Variants in HS3ST5 observed in about 807,000 individuals in gnomAD.
The protein encoded by HS3ST5 is heparan sulfate-glucosamine 3-sulfotransferase 5.
In HS3ST5, 10 loss-of-function variants were observed where a neutral mutation model predicts 25.4. The ratio of observed to expected loss-of-function variants is 0.39; its 90% CI spans 0.24 to 0.67. The LOEUF is 0.67. Among genes scored for constraint, HS3ST5 ranks in the 30% least tolerant of loss-of-function variants. The pLI, the probability that HS3ST5 is intolerant of heterozygous loss-of-function variation, is 0.44. For synonymous variants in HS3ST5, 170 were observed against 162.4 expected, an observed-to-expected ratio of 1.05 and a Z score of -0.36; for missense variants, 324 against 420.7, an observed-to-expected ratio of 0.77 and a Z score of 2.01.
At position 114,266,992 on chromosome 6, in the gene HS3ST5, T is replaced by A. The variant is rs773787059; in HGVS notation, c.-338-38214A>T. 2.4e-4 allele frequency among the ~76,000 whole-genome samples: 36 copies of A among 152,228 alleles called. 1 individual carries two copies. Among genetic ancestry groups the A allele is most frequent in the Non-Finnish European group, 4.4e-4 (30 of 68,036 alleles). On this transcript the variant is annotated intron_variant, in intron 1 of 4. Coordinates refer to ENST00000312719, the MANE Select transcript of HS3ST5 (RefSeq NM_153612.4). ...CACTTGGCTCTCACATTTTATTGCATCTTATTATTGTCTTGCCTCTGCACA... is the reference window on the plus strand; with the variant it reads ...CACTTGGCTCTCACATTTTATTGCAACTTATTATTGTCTTGCCTCTGCACA...
At chr6:114,084,129 C>CT in intron 3 of HS3ST5, 1 of 645,714 alleles carries the variant, frequency 1.5e-6, no homozygotes, top group Non-Finnish European at 2.8e-6. Context: ...TCCCATCAAC[C>CT]TTATTGCCAT....
chr6:114,199,105 A>C (rs565970026), intron 2 of HS3ST5, among the ~76,000 whole-genome samples: 4 of 152,360 alleles, frequency 2.6e-5, no homozygotes, highest in African/African-American at 9.6e-5. Flanking sequence ...AAAGTCATAA[A>C]ATATTGATGC....
At chr6:114,068,921 A>T (rs574912663) in intron 3 of HS3ST5, among the ~76,000 whole-genome samples, 16 of 152,336 alleles carry the variant, frequency 1.1e-4, no homozygotes, top group Non-Finnish European at 2.1e-4. Context: ...AAAGCAGAGT[A>T]TCTAAATAAC....
rs752086704 is a variant in HS3ST5 at position 114,058,187 on chromosome 6, T to C, written c.111A>G (p.Leu37=). Residue 37 remains leucine, a synonymous_variant, in exon 5 of 5, where the codon CTA becomes CTG. Transcript: ENST00000312719. The part of the protein sequence containing the change: ...LVARVGSLDR[L]QPICPIEGRL... The stretch of plus-strand genomic sequence containing the variant: ...GACCTTCAATGGGGCAAATGGGTTG[T>C]AGCCTGCAAGCAAGACAGAGACACT... 2 of 1,598,684 alleles carry C rather than the reference T, an allele frequency of 1.3e-6. No homozygotes were observed. Among genetic ancestry groups the C allele is most frequent in the East Asian group, 4.5e-5 (2 of 44,436 alleles).
At chr6:114,201,013 A>G (rs536633976) in intron 2 of HS3ST5, among the ~76,000 whole-genome samples, 2 of 152,222 alleles carry the variant, frequency 1.3e-5, no homozygotes, top group Non-Finnish European at 2.9e-5. Flanking sequence ...AGTTGAGAAG[A>G]CTGGCTGATC....
At chr6:114,100,984 G>A (rs1775700301) in intron 3 of HS3ST5, among the ~76,000 whole-genome samples, 1 of 152,092 alleles carries the variant, frequency 6.6e-6, no homozygotes, top group East Asian at 1.9e-4. Context: ...TCACATCAAG[G>A]GTCACTAGTA....
chr6:114,221,224 G>A (rs1376332874), intron 2 of HS3ST5, among the ~76,000 whole-genome samples: 2 of 151,544 alleles, frequency 1.3e-5, no homozygotes, highest in Non-Finnish European at 3.0e-5. Flanking sequence ...GAATTTACAT[G>A]GTAATTAACA....
intron 3 of HS3ST5, among the ~76,000 whole-genome samples, chr6:114,149,711 CAT>C (rs1180716172): frequency 6.6e-6 from 1 of 151,974 alleles, no homozygotes; most frequent in African/African-American, 2.4e-5. Context: ...ACATTCTGCA[CAT>C]GTGTCCTGGA....
At chr6:114,232,001 T>C (rs1582741656) in intron 1 of HS3ST5, among the ~76,000 whole-genome samples, 1 of 152,190 alleles carries the variant, frequency 6.6e-6, no homozygotes, top group African/African-American at 2.4e-5. Context: ...TATATGTGAA[T>C]CTAGGGATTC....
At chr6:114,064,740 A>C (rs901180676) in intron 3 of HS3ST5, among the ~76,000 whole-genome samples, 2 of 152,250 alleles carry the variant, frequency 1.3e-5, no homozygotes, top group Admixed American at 6.5e-5. Context: ...ATGCATACTT[A>C]CAAATTGTAT....
chr6:114,299,371 G>A (rs982681353), intron 1 of HS3ST5, among the ~76,000 whole-genome samples: 4 of 152,030 alleles, frequency 2.6e-5, no homozygotes, highest in Admixed American at 6.6e-5. Context: ...TTTTAATTTC[G>A]CCCTGGTCCT....
chr6:114,125,139 AT>A (rs898279672), intron 3 of HS3ST5, among the ~76,000 whole-genome samples: 4 of 151,390 alleles, frequency 2.6e-5, no homozygotes, highest in Admixed American at 1.3e-4. Flanking sequence ...AAATTAAATG[AT>A]TTTTTTTAAA....
rs553993767 is a variant in HS3ST5, at chr6:114,092,739, G to A, written c.-32-29862C>T. On this transcript the variant is annotated intron_variant, in intron 3 of 4. Coordinates refer to ENST00000312719, the MANE Select transcript of HS3ST5 (RefSeq NM_153612.4). The stretch of plus-strand genomic sequence containing the variant: ...TGCCCAGGCTGGAGTGCAATGGTGC[G>A]ATCTCGGCTTACTGCAACCTCTGCC... Among the ~76,000 whole-genome samples, 21 of 150,332 alleles carry A rather than the reference G, an allele frequency of 1.4e-4. 1 individual carries two copies. Among genetic ancestry groups the A allele is most frequent in the Non-Finnish European group, 2.5e-4 (17 of 67,712 alleles).
chr6:114,068,694 T>C (rs140731046), intron 3 of HS3ST5, among the ~76,000 whole-genome samples: 28 of 152,354 alleles, frequency 1.8e-4, no homozygotes, highest in Middle Eastern at 3.4e-3. Context: ...AGAGCAGTTA[T>C]ACTGGTAATG....
chr6:114,158,967 A>G (rs899155696), intron 3 of HS3ST5, among the ~76,000 whole-genome samples: 2 of 152,246 alleles, frequency 1.3e-5, no homozygotes, highest in Non-Finnish European at 1.5e-5. Context: ...AGAGAAATAT[A>G]GTAGAAAACC....
chr6:114,124,426 C>A (rs555961733), intron 3 of HS3ST5, among the ~76,000 whole-genome samples: 1 of 152,286 alleles, frequency 6.6e-6, no homozygotes, highest in African/African-American at 2.4e-5. Flanking sequence ...TCTACAGGGG[C>A]TTCAACTAAC....
intron 1 of HS3ST5, among the ~76,000 whole-genome samples, chr6:114,325,895 A>T (rs1776153936): frequency 6.6e-6 from 1 of 152,124 alleles, no homozygotes; most frequent in African/African-American, 2.4e-5. Context: ...ACAAGTATTT[A>T]TTGAGCACTT....
At chr6:114,230,801 G>A (rs1771551194) in intron 1 of HS3ST5, among the ~76,000 whole-genome samples, 1 of 151,788 alleles carries the variant, frequency 6.6e-6, no homozygotes, top group Non-Finnish European at 1.5e-5. Context: ...TGTTGGCCAG[G>A]CTGGTTTCAA....
chr6:114,087,719 A>G (rs1381834986), intron 3 of HS3ST5, among the ~76,000 whole-genome samples: 1 of 152,198 alleles, frequency 6.6e-6, no homozygotes, highest in Non-Finnish European at 1.5e-5. Flanking sequence ...GTGTAGCCTC[A>G]ATGTTTCTCC....
Sources: gnomAD v4.1 joint callset for allele counts (sites outside exome capture counted in the v4.1 genomes callset) on GRCh38, gnomAD v4.1.1 for gene constraint, MANE v1.5 for transcripts, NCBI Gene and HGNC (gene_info 2026-07-23, HGNC 2026-07-21) for gene names.